The following KIAA1217 variants were observed in gnomAD, a reference collection of about 807,000 sequenced individuals.
KIAA1217 encodes KIAA1217.
KIAA1217 carries 88 observed loss-of-function variants against 163.9 expected under a neutral mutation model. That is an observed-to-expected ratio of 0.54 (90% CI 0.45 to 0.64). KIAA1217 has a LOEUF of 0.64. Ranked by LOEUF, KIAA1217 falls within the 30% of genes least tolerant of loss-of-function variation. KIAA1217 has a pLI of 0.00. For missense variants in KIAA1217, 2,372 were observed against 2,475.0 expected (o/e 0.96, Z 0.88); for synonymous variants, 903 against 923.1 (o/e 0.98, Z 0.39).
intron 2 of KIAA1217, among the ~76,000 whole-genome samples, chr10:24,192,533 A>T (rs577447964): frequency 6.6e-6 from 1 of 152,306 alleles, no homozygotes; most frequent in East Asian, 1.9e-4. Flanking sequence ...TAAGTTCATC[A>T]CATCCCATTT....
Position 24,528,103 on chromosome 10 carries a change from C to T in KIAA1217, c.3066C>T (p.Asp1022=). Residue 1022 remains aspartate (D), a synonymous_variant, in exon 14 of 21, where the codon GAC becomes GAT. Coordinates refer to ENST00000376454, the MANE Select transcript of KIAA1217 (RefSeq NM_019590.5). ...TGCCAAGGGGAGATGCCCCAGTGGA[C>T]AAGGTGGAACTTTCAGGTAAGTTCC... ...GPLPRGDAPV[D]KVELSEDSPN... 4 of 1,613,862 alleles carry T rather than the reference C, an allele frequency of 2.5e-6. No homozygotes were observed. The highest frequency in any genetic ancestry group is 3.4e-6 in the Non-Finnish European group (4 of 1,179,890).
intron 2 of KIAA1217, among the ~76,000 whole-genome samples, chr10:24,282,813 G>A (rs2132254529): frequency 6.8e-6 from 1 of 146,080 alleles, no homozygotes; most frequent in South Asian, 2.2e-4. Flanking sequence ...TTGCTACTGA[G>A]GTGTTGCTTC....
At chr10:24,389,637 C>G (rs921021362) in intron 3 of KIAA1217, among the ~76,000 whole-genome samples, 1 of 152,048 alleles carries the variant, frequency 6.6e-6, no homozygotes, top group South Asian at 2.1e-4. Context: ...AACCAGCGCC[C>G]TGGCCTAAGT....
At chr10:23,899,760 T>C (rs1219749239) in intron 1 of KIAA1217, among the ~76,000 whole-genome samples, 1 of 152,094 alleles carries the variant, frequency 6.6e-6, no homozygotes, top group Non-Finnish European at 1.5e-5. Flanking sequence ...GAGAGACATA[T>C]GGGAATGTGT....
At chr10:23,849,689 A>G (rs1032877715) in intron 1 of KIAA1217, among the ~76,000 whole-genome samples, 2 of 152,274 alleles carry the variant, frequency 1.3e-5, no homozygotes, top group East Asian at 1.9e-4. Context: ...AAGAAAATAC[A>G]TAAAAATAAA....
chr10:23,872,260 C>T (rs1327017270), intron 1 of KIAA1217, among the ~76,000 whole-genome samples: 1 of 151,866 alleles, frequency 6.6e-6, no homozygotes, highest in African/African-American at 2.4e-5. Flanking sequence ...AGGAAGAGAG[C>T]TCTTGTAGAA....
chr10:23,816,446 C>G (rs1044472132), intron 1 of KIAA1217, among the ~76,000 whole-genome samples: 1 of 151,458 alleles, frequency 6.6e-6, no homozygotes, highest in Non-Finnish European at 1.5e-5. Flanking sequence ...GCACCTGCCA[C>G]CATACCCGGC....
chr10:23,824,264 A>AG (rs1837763442), intron 1 of KIAA1217, among the ~76,000 whole-genome samples: 1 of 151,998 alleles, frequency 6.6e-6, no homozygotes, highest in Non-Finnish European at 1.5e-5. Context: ...ACAGGAGTTA[A>AG]GACCCTGTCT....
chr10:24,036,996 G>C (rs769044098), intron 2 of KIAA1217, among the ~76,000 whole-genome samples: 1 of 152,184 alleles, frequency 6.6e-6, no homozygotes, highest in African/African-American at 2.4e-5. Flanking sequence ...CAGTGAAATC[G>C]TGAGACTCAG....
intron 2 of KIAA1217, among the ~76,000 whole-genome samples, chr10:24,339,312 AC>A (rs1284319330): frequency 6.6e-6 from 1 of 152,146 alleles, no homozygotes; most frequent in Admixed American, 6.6e-5. Context: ...GGGCATTGTC[AC>A]CCAATTTTTG....
Position 24,541,717 on chromosome 10 carries a change from C to T in KIAA1217, c.3535-976C>T, listed in dbSNP as rs116786314. Among the ~76,000 whole-genome samples, 740 of 152,322 alleles carry T rather than the reference C, an allele frequency of 4.9e-3. 8 individuals are homozygous for T. The highest frequency in any genetic ancestry group is 0.017 in the African/African-American group (691 of 41,568). On this transcript the variant is annotated intron_variant, in intron 17 of 20. Transcript: ENST00000376454. ...GGAAAGGCCAGGCCTCCAGGTGAAG[C>T]GCCTTGAATACCTGGGTCCTCACCA...
At chr10:24,484,653 G>C (rs956618000) in intron 6 of KIAA1217, among the ~76,000 whole-genome samples, 2 of 151,892 alleles carry the variant, frequency 1.3e-5, no homozygotes, top group African/African-American at 4.8e-5. Flanking sequence ...TCGAACTCCT[G>C]GGCTTAAGCA....
intron 1 of KIAA1217, among the ~76,000 whole-genome samples, chr10:23,961,789 G>T (rs1442878884): frequency 2.6e-5 from 4 of 152,162 alleles, no homozygotes; most frequent in African/African-American, 9.7e-5. Context: ...TACAAAATCA[G>T]GTGTGGGTTG....
chr10:23,957,745 C>T (rs892659703), intron 1 of KIAA1217, among the ~76,000 whole-genome samples: 1 of 151,994 alleles, frequency 6.6e-6, no homozygotes, highest in African/African-American at 2.4e-5. Context: ...TAAATAACTC[C>T]CAACCAACTT....
intron 2 of KIAA1217, among the ~76,000 whole-genome samples, chr10:24,316,276 A>T (rs1490953496): frequency 6.6e-6 from 1 of 152,072 alleles, no homozygotes; most frequent in Non-Finnish European, 1.5e-5. Flanking sequence ...ATATAGTATT[A>T]TGTGTGTGTT....
At chr10:23,737,113 G>T (rs1327612254) in intron 1 of KIAA1217, among the ~76,000 whole-genome samples, 1 of 152,010 alleles carries the variant, frequency 6.6e-6, no homozygotes, top group African/African-American at 2.4e-5. Flanking sequence ...AATTTTATTA[G>T]GTATGTCTTG....
chr10:24,168,235 G>A (rs16924365), intron 2 of KIAA1217, among the ~76,000 whole-genome samples: 2,609 of 152,156 alleles, frequency 0.017, 78 homozygotes, highest in African/African-American at 0.058. Context: ...TCAATTAAGC[G>A]CCTCTAGATG....
chr10:24,519,036 C>T (rs938037206), intron 10 of KIAA1217, among the ~76,000 whole-genome samples: 1 of 152,182 alleles, frequency 6.6e-6, no homozygotes, highest in Admixed American at 6.5e-5. Context: ...AGCTGCCATG[C>T]GATCCAGAGC....
At chr10:23,825,135 A>G (rs1837838540) in intron 1 of KIAA1217, among the ~76,000 whole-genome samples, 1 of 152,186 alleles carries the variant, frequency 6.6e-6, no homozygotes, top group Non-Finnish European at 1.5e-5. Context: ...TTTGTCTCTG[A>G]CATTCACAGT....
Sources: allele counts gnomAD v4.1 joint callset (sites outside exome capture counted in the v4.1 genomes callset), GRCh38; gene constraint gnomAD v4.1.1; transcripts MANE v1.5; gene names NCBI Gene and HGNC (gene_info 2026-07-23, HGNC 2026-07-21).